The following GREM1 variants were observed in gnomAD, a reference collection of about 807,000 sequenced individuals.
GREM1 encodes gremlin-1.
In GREM1, 6 loss-of-function variants were observed where a neutral mutation model predicts 13.1. The observed-to-expected ratio is 0.46, with a 90% CI of 0.25 to 0.91. GREM1 has a LOEUF of 0.91. Ranked by LOEUF, GREM1 falls within the 40% of genes least tolerant of loss-of-function variation. The pLI, the probability that GREM1 is intolerant of heterozygous loss-of-function variation, is 0.18. For missense variants in GREM1, 185 were observed against 233.9 expected, an observed-to-expected ratio of 0.79 and a Z score of 1.36; for synonymous variants, 98 against 93.7, an observed-to-expected ratio of 1.05 and a Z score of -0.27.
Position 32,737,778 on chromosome 15 carries a change from A to G in GREM1, c.*6533A>G, listed in dbSNP as rs535423594. On this transcript the variant is annotated 3_prime_UTR_variant, in exon 2 of 2. Coordinates refer to ENST00000651154, the MANE Select transcript of GREM1 (RefSeq NM_013372.7). ...CCTGTATCTACTAAAAATACAAAAA[A>G]TTAGCCCGGCGTGGTGGCAAATGCC... 35 of 151,780 alleles carry G rather than the reference A, an allele frequency of 2.3e-4. No homozygotes were observed. The highest frequency in any genetic ancestry group is 7.5e-4 in the African/African-American group (31 of 41,400). 9.4% of individuals were successfully genotyped at this position (151,780 alleles called of 1,614,324 possible). A position where few individuals can be genotyped will look rare whatever the true frequency, so the allele number is the denominator to read the frequency against.
chr15:32,718,692 C>A, intron 1 of GREM1: 1 of 352,528 alleles, frequency 2.8e-6, no homozygotes. Flanking sequence ...GTGCATTTGC[C>A]GATCCCCGAG....
chr15:32,732,497 G>A lies in GREM1; in HGVS notation c.*1252G>A, dbSNP rs141585953. 1.6e-5 allele frequency: 4 copies of A among 245,342 alleles called. No homozygotes were observed. Among genetic ancestry groups the A allele is most frequent in the South Asian group, 1.8e-4 (1 of 5,496 alleles). The allele number at this position is 245,342 out of a possible 1,614,324, so 15.2% of individuals were successfully genotyped here. ...CAGGAGATTGGGCTAAAGAGAAGACGACGAGAGTAAGGAAATAAAGGGAAT... is the reference window on the plus strand; with the variant it reads ...CAGGAGATTGGGCTAAAGAGAAGACAACGAGAGTAAGGAAATAAAGGGAAT... On this transcript the variant is annotated 3_prime_UTR_variant, in exon 2 of 2. Coordinates refer to ENST00000651154, the MANE Select transcript of GREM1 (RefSeq NM_013372.7).
chr15:32,730,457 A>G (rs2055595793), intron 1 of GREM1, among the ~76,000 whole-genome samples: 1 of 152,210 alleles, frequency 6.6e-6, no homozygotes, highest in Non-Finnish European at 1.5e-5. Context: ...GCCCTGGCTG[A>G]GTTTAAACCT....
At chr15:32,724,413 A>G (rs1485077309) in intron 1 of GREM1, among the ~76,000 whole-genome samples, 1 of 152,236 alleles carries the variant, frequency 6.6e-6, no homozygotes, top group Non-Finnish European at 1.5e-5. Context: ...GCCTGGGGCC[A>G]TCCCATGTAC....
Position 32,733,149 on chromosome 15 carries a change from G to C in GREM1, c.*1904G>C, listed in dbSNP as rs2055649499. ...CTCACTACTGATGATTCTCACGCTA[G>C]GCGAATTTGTCCAAACACATAGTGT... On this transcript the variant is annotated 3_prime_UTR_variant, in exon 2 of 2. Transcript: ENST00000651154. The C allele has an allele frequency of 4.3e-6, 1 of 230,364 alleles. No homozygotes were observed. 14.3% of individuals were successfully genotyped at this position (230,364 alleles called of 1,614,324 possible). A position where few individuals can be genotyped will look rare whatever the true frequency, so the allele number is the denominator to read the frequency against.
intron 1 of GREM1, among the ~76,000 whole-genome samples, chr15:32,724,832 C>T (rs912997755): frequency 5.9e-5 from 9 of 151,872 alleles, no homozygotes; most frequent in Non-Finnish European, 8.8e-5. Flanking sequence ...TGTTCCCCTC[C>T]CTGTGTCCAT....
In GREM1 at chr15:32,730,792, C is replaced by G. The variant is rs778343488; in HGVS notation, c.102C>G (p.Pro34=). 3 of 1,613,892 alleles carry G rather than the reference C, an allele frequency of 1.9e-6. No homozygotes were observed. The highest frequency in any genetic ancestry group is 2.2e-5 in the East Asian group (1 of 44,864). ...GKKKGSQGAI[P]PPDKAQHNDS... is the part of the protein sequence containing the mutation. The stretch of plus-strand genomic sequence containing the variant: ...AGAAAGGGTCCCAAGGTGCCATCCC[C>G]CCGCCAGACAAGGCCCAGCACAATG... Residue 34 remains proline (P), a synonymous_variant, in exon 2 of 2, where the codon CCC becomes CCG. Coordinates refer to ENST00000651154, the MANE Select transcript of GREM1 (RefSeq NM_013372.7).
At chr15:32,727,045 C>G (rs1268092959) in intron 1 of GREM1, among the ~76,000 whole-genome samples, 1 of 152,098 alleles carries the variant, frequency 6.6e-6, no homozygotes, top group African/African-American at 2.4e-5. Context: ...AAGCCCAGGA[C>G]CAGACAGATT....
Position 32,737,483 on chromosome 15 carries a change from T to C in GREM1, c.*6238T>C, listed in dbSNP as rs142050412. ...ATTTAACCATCAGTGTAATGCATCA[T>C]ATTAATAGAATAAAGACAGAAACCA... On this transcript the variant is annotated 3_prime_UTR_variant, in exon 2 of 2. Transcript: ENST00000651154. The C allele has an allele frequency of 2.0e-5, 3 of 152,334 alleles. No homozygotes were observed. The highest frequency in any genetic ancestry group is 7.2e-5 in the African/African-American group (3 of 41,582). The allele number at this position is 152,334 out of a possible 1,614,324, so 9.4% of individuals were successfully genotyped here. A position where few individuals can be genotyped will look rare whatever the true frequency, so the allele number is the denominator to read the frequency against.
chr15:32,730,594 A>G (rs1221861281), intron 1 of GREM1, 96 bp from the exon 2 acceptor site: 6 of 792,520 alleles, frequency 7.6e-6, no homozygotes, highest in Non-Finnish European at 1.2e-5. Context: ...TTAAGTGTTT[A>G]ACGGTGCGTT....
chr15:32,734,085 A>C lies in GREM1; in HGVS notation c.*2840A>C, dbSNP rs1281774943. 4.1e-6 allele frequency: 1 copy of C among 243,566 alleles called. No individual in the cohort carries two copies. Among genetic ancestry groups the C allele is most frequent in the Non-Finnish European group, 8.7e-6 (1 of 115,496 alleles). The allele number at this position is 243,566 out of a possible 1,614,324, so 15.1% of individuals were successfully genotyped here. On this transcript the variant is annotated 3_prime_UTR_variant, in exon 2 of 2. Transcript: ENST00000651154. ...ACTTTCTCTGAGTTGGGCAAAGAAGAAGCTGACACACCGTATGTTGTTAGA... is the reference window on the plus strand; with the variant it reads ...ACTTTCTCTGAGTTGGGCAAAGAAGCAGCTGACACACCGTATGTTGTTAGA...
At chr15:32,726,259 T>C (rs1343778374) in intron 1 of GREM1, among the ~76,000 whole-genome samples, 1 of 152,030 alleles carries the variant, frequency 6.6e-6, no homozygotes, top group East Asian at 1.9e-4. Flanking sequence ...AGTAAAACAC[T>C]CCTCAGCAAA....
intron 1 of GREM1, among the ~76,000 whole-genome samples, chr15:32,721,612 G>T (rs183424809): frequency 6.6e-4 from 100 of 152,176 alleles, no homozygotes; most frequent in Admixed American, 1.8e-3. Context: ...AAATTAGCTG[G>T]GTGTGGTGGC....
intron 1 of GREM1, among the ~76,000 whole-genome samples, chr15:32,723,272 C>T (rs2055440943): frequency 6.6e-6 from 1 of 152,182 alleles, no homozygotes; most frequent in Non-Finnish European, 1.5e-5. Context: ...CACATCACTA[C>T]TATTTCCTTC....
rs1022986883 is a variant in GREM1, at chr15:32,738,439, A to G, written c.*7194A>G. On this transcript the variant is annotated 3_prime_UTR_variant, in exon 2 of 2. Transcript: ENST00000651154. ...ACTGGTACATTGAAAACAATAAAAC[A>G]TTGTTAAAAAATTTAAAATCATCAA... 2.0e-5 allele frequency: 3 copies of G among 149,494 alleles called. No individual in the cohort carries two copies. The highest frequency in any genetic ancestry group is 4.4e-5 in the Non-Finnish European group (3 of 68,022). 9.3% of individuals were successfully genotyped at this position (149,494 alleles called of 1,614,324 possible).
At chr15:32,721,657 G>A (rs2055410316) in intron 1 of GREM1, among the ~76,000 whole-genome samples, 1 of 152,090 alleles carries the variant, frequency 6.6e-6, no homozygotes, top group African/African-American at 2.4e-5. Flanking sequence ...GGGAGGCTGA[G>A]GCAGGAGAAT....
chr15:32,743,674 C>T lies in GREM1; in HGVS notation c.*12429C>T, dbSNP rs997188845. 1.3e-5 allele frequency: 2 copies of T among 152,024 alleles called. No homozygotes were observed. Among genetic ancestry groups the T allele is most frequent in the South Asian group, 2.1e-4 (1 of 4,814 alleles). 9.4% of individuals were successfully genotyped at this position (152,024 alleles called of 1,614,324 possible). On this transcript the variant is annotated 3_prime_UTR_variant, in exon 2 of 2. Transcript: ENST00000651154. The stretch of plus-strand genomic sequence containing the variant: ...ACGCACTTTCAATGTGGTGTACTCA[C>T]GTGGCTGTTGGTTGGAGGCCAAATG...
In GREM1 at chr15:32,745,053, C is replaced by T. The variant is rs917981056; in HGVS notation, c.*13808C>T. 2 of 152,136 alleles carry T rather than the reference C, an allele frequency of 1.3e-5. No individual in the cohort carries two copies. The highest frequency in any genetic ancestry group is 4.8e-5 in the African/African-American group (2 of 41,432). 9.4% of individuals were successfully genotyped at this position (152,136 alleles called of 1,614,324 possible). On this transcript the variant is annotated 3_prime_UTR_variant, in exon 2 of 2. Transcript: ENST00000651154. ...GGCAAGATAGATATTTAAATGACCC[C>T]TATTTTAGTGGTAAACAAGCTGAAA...
At chr15:32,730,386 T>C (rs2055594434) in intron 1 of GREM1, among the ~76,000 whole-genome samples, 1 of 152,056 alleles carries the variant, frequency 6.6e-6, no homozygotes, top group African/African-American at 2.4e-5. Context: ...CAAAGACAAA[T>C]GTGGTTGGTG....
Sources: gnomAD v4.1 joint callset for allele counts (sites outside exome capture counted in the v4.1 genomes callset) on GRCh38, gnomAD v4.1.1 for gene constraint, MANE v1.5 for transcripts, NCBI Gene and HGNC (gene_info 2026-07-23, HGNC 2026-07-21) for gene names.